Variants in MAGI3 observed in about 807,000 individuals in gnomAD.
The protein encoded by MAGI3 is membrane associated guanylate kinase, WW and PDZ domain containing 3.
MAGI3 carries 43 observed loss-of-function variants against 121.8 expected under a neutral mutation model. The ratio of observed to expected loss-of-function variants is 0.35; its 90% CI spans 0.28 to 0.46. MAGI3 has a LOEUF of 0.46. Among genes scored for constraint, MAGI3 ranks in the 20% least tolerant of loss-of-function variants. The probability of loss-of-function intolerance (pLI) is 1.00; values close to 1 mark genes in which losing one functional copy is unlikely to be tolerated. For synonymous variants in MAGI3, 553 were observed against 639.3 expected, an observed-to-expected ratio of 0.86 and a Z score of 2.04; for missense variants, 1,547 against 1,797.3, an observed-to-expected ratio of 0.86 and a Z score of 2.52.
At chr1:113,555,568 CA>C (rs1659953684) in intron 2 of MAGI3, among the ~76,000 whole-genome samples, 1 of 151,992 alleles carries the variant, frequency 6.6e-6, no homozygotes, top group African/African-American at 2.4e-5. Context: ...TATTCTGCAC[CA>C]CAAAACAAGA....
intron 1 of MAGI3, among the ~76,000 whole-genome samples, chr1:113,455,729 C>T (rs1201475144): frequency 6.6e-6 from 1 of 152,146 alleles, no homozygotes; most frequent in African/African-American, 2.4e-5. Flanking sequence ...CCTGTGCCAT[C>T]TGCTCTCATA....
chr1:113,408,843 T>C (rs1283223338), intron 1 of MAGI3, among the ~76,000 whole-genome samples: 1 of 152,134 alleles, frequency 6.6e-6, no homozygotes, highest in Non-Finnish European at 1.5e-5. Flanking sequence ...CCTAAATTTA[T>C]TTCCTTTAGA....
intron 5 of MAGI3, among the ~76,000 whole-genome samples, chr1:113,592,446 C>A (rs1261141238): frequency 6.6e-6 from 1 of 152,084 alleles, no homozygotes; most frequent in South Asian, 2.1e-4. Flanking sequence ...AATTTTGGAT[C>A]ATGGGAACCT....
At chr1:113,419,139 AG>A (rs1652606067) in intron 1 of MAGI3, among the ~76,000 whole-genome samples, 1 of 152,132 alleles carries the variant, frequency 6.6e-6, no homozygotes, top group African/African-American at 2.4e-5. Flanking sequence ...TATAGAGTTT[AG>A]GGGGCCCATT....
intron 4 of MAGI3, among the ~76,000 whole-genome samples, chr1:113,589,544 G>A (rs1648571969): frequency 6.6e-6 from 1 of 151,966 alleles, no homozygotes; most frequent in South Asian, 2.1e-4. Context: ...TTTAAGTTGG[G>A]TTAGCAGGGC....
chr1:113,521,564 C>T (rs1658200433), intron 1 of MAGI3, among the ~76,000 whole-genome samples: 1 of 151,858 alleles, frequency 6.6e-6, no homozygotes, highest in African/African-American at 2.4e-5. Flanking sequence ...CGCCACCACG[C>T]CCAGCTAATT....
At chr1:113,575,264 A>C (rs752256463) in intron 2 of MAGI3, among the ~76,000 whole-genome samples, 22 of 152,120 alleles carry the variant, frequency 1.4e-4, no homozygotes, top group Admixed American at 5.9e-4. Flanking sequence ...GGAGGAGAAG[A>C]AGCATTCTGG....
At chr1:113,418,751 G>T (rs1652584609) in intron 1 of MAGI3, among the ~76,000 whole-genome samples, 1 of 152,072 alleles carries the variant, frequency 6.6e-6, no homozygotes, top group South Asian at 2.1e-4. Context: ...AGAGTATTTA[G>T]ACACCTGTTT....
chr1:113,528,480 T>C (rs1476386741), intron 1 of MAGI3, among the ~76,000 whole-genome samples: 2 of 152,286 alleles, frequency 1.3e-5, no homozygotes, highest in Non-Finnish European at 2.9e-5. Flanking sequence ...AAATACTTCA[T>C]AGATGACACT....
chr1:113,547,546 A>G (rs1659594087), intron 1 of MAGI3, among the ~76,000 whole-genome samples: 1 of 152,210 alleles, frequency 6.6e-6, no homozygotes, highest in African/African-American at 2.4e-5. Flanking sequence ...AGACAACTAT[A>G]TAGCGATCTA....
chr1:113,674,078 T>C (rs1647719852), intron 19 of MAGI3, among the ~76,000 whole-genome samples: 1 of 152,138 alleles, frequency 6.6e-6, no homozygotes, highest in African/African-American at 2.4e-5. Flanking sequence ...TGGATGTTAA[T>C]TAAAGAGGAA....
intron 1 of MAGI3, among the ~76,000 whole-genome samples, chr1:113,530,565 A>G (rs1290244668): frequency 6.6e-6 from 1 of 151,960 alleles, no homozygotes; most frequent in Non-Finnish European, 1.5e-5. Flanking sequence ...CTTATATAAC[A>G]ATACTGCACA....
chr1:113,427,850 G>C (rs1310641963), intron 1 of MAGI3, among the ~76,000 whole-genome samples: 1 of 152,004 alleles, frequency 6.6e-6, no homozygotes, highest in Non-Finnish European at 1.5e-5. Flanking sequence ...AGAAATACAT[G>C]TATATAACTA....
chr1:113,649,177 T>G (rs1653017414), intron 12 of MAGI3, 60 bp from the exon 13 acceptor site: 1 of 1,330,626 alleles, frequency 7.5e-7, no homozygotes, highest in African/African-American at 1.5e-5. Context: ...TACTGAACTT[T>G]GTTTTGTTTT....
At chr1:113,604,924 A>T (rs916886040) in intron 6 of MAGI3, among the ~76,000 whole-genome samples, 1 of 151,112 alleles carries the variant, frequency 6.6e-6, no homozygotes, top group Non-Finnish European at 1.5e-5. Flanking sequence ...ACCACTATAC[A>T]GTTCATCCAT....
chr1:113,670,980 A>G (rs1423348714), intron 16 of MAGI3, among the ~76,000 whole-genome samples: 1 of 152,212 alleles, frequency 6.6e-6, no homozygotes, highest in Non-Finnish European at 1.5e-5. Context: ...AAAAGTTTCA[A>G]CTTCAAAAAT....
intron 9 of MAGI3, among the ~76,000 whole-genome samples, chr1:113,636,648 C>G (rs985309555): frequency 6.6e-5 from 10 of 151,936 alleles, no homozygotes; most frequent in African/African-American, 2.4e-4. Context: ...TTACTTCCAA[C>G]TATGTGGTCA....
At chr1:113,592,184 A>AGGGTT (rs1168220401) in intron 5 of MAGI3, among the ~76,000 whole-genome samples, 5 of 152,196 alleles carry the variant, frequency 3.3e-5, no homozygotes, top group African/African-American at 1.2e-4. Flanking sequence ...CATATATATT[A>AGGGTT]TAAAGGGTTA....
chr1:113,585,733 A>T, intron 4 of MAGI3, 137 bp downstream of exon 4: 1 of 711,496 alleles, frequency 1.4e-6, no homozygotes, highest in Admixed American at 2.9e-5. Flanking sequence ...TAAAGGTTGT[A>T]TGTGGAGCAA....
Sources: gnomAD v4.1 joint callset for allele counts (sites outside exome capture counted in the v4.1 genomes callset) on GRCh38, gnomAD v4.1.1 for gene constraint, MANE v1.5 for transcripts, NCBI Gene and HGNC (gene_info 2026-07-23, HGNC 2026-07-21) for gene names.